Variants in SYNE2 observed in about 807,000 individuals in gnomAD.
SYNE2 encodes nesprin-2.
Under a neutral mutation model 856.3 loss-of-function variants are expected in SYNE2, and 431 were observed. That is an observed-to-expected ratio of 0.50 (90% CI 0.47 to 0.55). The LOEUF is 0.55. Among genes scored for constraint, SYNE2 ranks in the 20% least tolerant of loss-of-function variants. The pLI is 0.00. For synonymous variants in SYNE2, 2,923 were observed against 2,872.3 expected (o/e 1.02, Z -0.56); for missense variants, 8,129 against 8,023.2 (o/e 1.01, Z -0.50).
chr14:64,113,682 T>A, intron 66 of SYNE2, 111 bp downstream of exon 66: 1 of 1,179,514 alleles, frequency 8.5e-7, no homozygotes, highest in Non-Finnish European at 1.2e-6. Context: ...CTCTGACCCT[T>A]ACATTTATCT....
Position 64,048,027 on chromosome 14 carries a change from A to G in SYNE2, c.7249A>G (p.Lys2417Glu). The change falls in exon 46 of 116, where the codon AAA becomes GAA. Residue 2417 changes from lysine to glutamate, a missense_variant. Lys to Glu is a moderately conservative substitution (Grantham distance 56). Around this residue, in one of 3 missense-constraint regions of SYNE2, gnomAD observed 5,410 missense variants for 5,284.8 expected, o/e 1.02. Transcript: ENST00000555002. The stretch of plus-strand genomic sequence containing the variant: ...TTCAGCTGTGGAAATGGCTATGTCA[A>G]AACAACTTTCTCTTAATGCTCAAGA... ...KDSAVEMAMS[K>E]QLSLNAQESM... 1 of 1,613,876 alleles carries G rather than the reference A, an allele frequency of 6.2e-7. No homozygotes were observed. The highest frequency in any genetic ancestry group is 8.5e-7 in the Non-Finnish European group (1 of 1,179,866).
intron 85 of SYNE2, among the ~76,000 whole-genome samples, chr14:64,154,168 T>TAAAA (rs5809216): frequency 1.4e-5 from 2 of 138,000 alleles, no homozygotes; most frequent in Admixed American, 1.4e-4. Flanking sequence ...CCATTTGTAT[T>TAAAA]AAAAAAAAAA....
At chr14:63,789,162 T>C (rs761232514) in intron 1 of SYNE2, among the ~76,000 whole-genome samples, 3 of 152,218 alleles carry the variant, frequency 2.0e-5, no homozygotes, top group Non-Finnish European at 4.4e-5. Flanking sequence ...GAGGTTCTGA[T>C]GCATCAAATA....
intron 3 of SYNE2, among the ~76,000 whole-genome samples, chr14:63,941,176 A>C (rs998372501): frequency 6.6e-6 from 1 of 152,190 alleles, no homozygotes; most frequent in African/African-American, 2.4e-5. Flanking sequence ...ATATGAACCC[A>C]GACAGTCTGG....
intron 76 of SYNE2, among the ~76,000 whole-genome samples, chr14:64,130,505 A>G (rs1304639174): frequency 6.6e-6 from 1 of 152,244 alleles, no homozygotes; most frequent in Non-Finnish European, 1.5e-5. Flanking sequence ...ATATTTATCA[A>G]CAAGTCTTCA....
At chr14:64,220,766 C>G in intron 111 of SYNE2, 129 bp downstream of exon 111, 1 of 1,122,816 alleles carries the variant, frequency 8.9e-7, no homozygotes, top group East Asian at 2.6e-5. Context: ...GAAACATGTG[C>G]TTTACCATTT....
At chr14:64,041,192 A>G (rs2097145772) in intron 45 of SYNE2, among the ~76,000 whole-genome samples, 1 of 152,190 alleles carries the variant, frequency 6.6e-6, no homozygotes, top group South Asian at 2.1e-4. Flanking sequence ...TATATTAAAG[A>G]AAAGCTTAAA....
rs528265665 is a variant in SYNE2, at chr14:64,075,770, A to T, written c.10867-175A>T. On this transcript the variant is annotated intron_variant, in intron 53 of 115. Coordinates refer to ENST00000555002, the MANE Select transcript of SYNE2 (RefSeq NM_182914.3). The stretch of plus-strand genomic sequence containing the variant: ...TAATTCTTACAAATTAGAAAGCATC[A>T]TCTGACTAAACTGAGTGTCTCTGGG... 4.8e-6 allele frequency: 3 copies of T among 630,092 alleles called. No individual in the cohort carries two copies. The East Asian group carries it at 8.5e-5, about 18-fold the overall frequency. 39.0% of individuals were successfully genotyped at this position (630,092 alleles called of 1,614,324 possible). A position where few individuals can be genotyped will look rare whatever the true frequency, so the allele number is the denominator to read the frequency against.
At chr14:64,209,866 G>T in intron 102 of SYNE2, 76 bp from the exon 103 acceptor site, 1 of 1,598,014 alleles carries the variant, frequency 6.3e-7, no homozygotes, top group Non-Finnish European at 8.6e-7. Context: ...GCAGCAGGTC[G>T]CTTGGGATGT....
rs2098396225 is a variant in SYNE2, at chr14:64,168,808, A to C, written c.16906-69A>C. ...CTTTGTAAGCTTAGATTTTAATAGG[A>C]AATGTAGGTTCCGAGATTCATAAAA... On this transcript the variant is annotated intron_variant, in intron 92 of 115. Transcript: ENST00000555002. 2.8e-6 allele frequency: 3 copies of C among 1,062,078 alleles called. No individual in the cohort carries two copies. The East Asian group carries it at 7.4e-5, about 26-fold the overall frequency. The allele number at this position is 1,062,078 out of a possible 1,614,324, so 65.8% of individuals were successfully genotyped here.
intron 85 of SYNE2, among the ~76,000 whole-genome samples, chr14:64,154,386 A>T (rs1370036466): frequency 1.3e-5 from 2 of 150,282 alleles, no homozygotes; most frequent in Non-Finnish European, 2.9e-5. Flanking sequence ...AAGGCAAACC[A>T]CAAATTGTTA....
chr14:64,168,627 C>T (rs2098395031), intron 92 of SYNE2, among the ~76,000 whole-genome samples: 1 of 152,142 alleles, frequency 6.6e-6, no homozygotes, highest in African/African-American at 2.4e-5. Flanking sequence ...TTTACAGTGC[C>T]TACCAAATCG....
At chr14:63,826,377 G>T (rs777422865) in intron 1 of SYNE2, among the ~76,000 whole-genome samples, 1 of 152,110 alleles carries the variant, frequency 6.6e-6, no homozygotes, top group Non-Finnish European at 1.5e-5. Flanking sequence ...TCAGCTCACT[G>T]CAACCTCCAC....
chr14:63,982,150 C>T (rs1001950612), intron 16 of SYNE2, among the ~76,000 whole-genome samples: 11 of 152,238 alleles, frequency 7.2e-5, no homozygotes, highest in Admixed American at 1.3e-4. Flanking sequence ...AGTTGTTGAA[C>T]CTGACTACTA....
At chr14:64,142,967 C>T (rs2098151853) in intron 82 of SYNE2, among the ~76,000 whole-genome samples, 1 of 152,228 alleles carries the variant, frequency 6.6e-6, no homozygotes, top group African/African-American at 2.4e-5. Flanking sequence ...TAAGACCATG[C>T]AGGCTGATGG....
intron 18 of SYNE2, among the ~76,000 whole-genome samples, chr14:63,984,829 G>A (rs2096612749): frequency 6.6e-6 from 1 of 152,110 alleles, no homozygotes; most frequent in South Asian, 2.1e-4. Context: ...AATTTTTGCA[G>A]TGTGCTTAAA....
chr14:64,161,934 A>G, intron 87 of SYNE2, 138 bp from the exon 88 acceptor site: 2 of 884,486 alleles, frequency 2.3e-6, no homozygotes, highest in Non-Finnish European at 3.6e-6. Context: ...TGGTGATGCC[A>G]CTAATTTTAA....
intron 2 of SYNE2, among the ~76,000 whole-genome samples, chr14:63,913,723 A>G (rs1327640722): frequency 6.7e-6 from 1 of 149,178 alleles, no homozygotes; most frequent in Non-Finnish European, 1.5e-5. Flanking sequence ...TTGGCTCCCA[A>G]AGTGCTGGGA....
chr14:64,047,250 A>G (rs1792811225), intron 45 of SYNE2, among the ~76,000 whole-genome samples: 1 of 152,180 alleles, frequency 6.6e-6, no homozygotes, highest in Non-Finnish European at 1.5e-5. Flanking sequence ...TCCTCTACCG[A>G]CTGAGTCTGG....
Sources: gnomAD v4.1 joint callset for allele counts (sites outside exome capture counted in the v4.1 genomes callset) on GRCh38, gnomAD v4.1.1 for gene constraint, gnomAD v4.1.1 regional missense constraint, MANE v1.5 for transcripts, NCBI Gene and HGNC (gene_info 2026-07-23, HGNC 2026-07-21) for gene names.